XXYLT1: variants seen among roughly 807,000 people sequenced by gnomAD.
The protein encoded by XXYLT1 is UDP-xylose:alpha-xyloside alpha-1,3-xylosyltransferase.
XXYLT1 carries 20 observed loss-of-function variants against 28.9 expected under a neutral mutation model. The ratio of observed to expected loss-of-function variants is 0.69; its 90% CI spans 0.49 to 1.00. XXYLT1 has a LOEUF of 1.00. XXYLT1 is among the 50% of genes least tolerant of loss of function. XXYLT1 has a pLI of 0.00. For synonymous variants in XXYLT1, 257 were observed against 253.8 expected, an observed-to-expected ratio of 1.01 and a Z score of -0.12; for missense variants, 542 against 560.1, an observed-to-expected ratio of 0.97 and a Z score of 0.33.
chr3:195,210,573 T>C lies in XXYLT1; in HGVS notation c.652+16136A>G. On this transcript the variant is annotated intron_variant, in intron 2 of 3. Transcript: ENST00000310380. The surrounding 1 kb of genome is among the most constrained non-coding windows in gnomAD (Gnocchi z 4.8). ...ATGAAGGGGACCAAAACGGGAAATA[T>C]TACTGTTCAACCAATTTGGCAACTA... 7.8e-6 allele frequency among the ~76,000 whole-genome samples: 1 copy of C among 129,004 alleles called. No homozygotes were observed. Among genetic ancestry groups the C allele is most frequent in the Non-Finnish European group, 1.6e-5 (1 of 64,178 alleles). 84.6% of individuals were successfully genotyped at this position (129,004 alleles called of 152,430 possible).
chr3:195,243,375 T>C (rs2108827605), intron 1 of XXYLT1, among the ~76,000 whole-genome samples: 1 of 150,818 alleles, frequency 6.6e-6, no homozygotes, highest in South Asian at 2.1e-4. Flanking sequence ...AAAAAAGAGA[T>C]GGTTCGGGGG....
chr3:195,264,806 T>C (rs1725791833), intron 1 of XXYLT1, among the ~76,000 whole-genome samples: 1 of 152,150 alleles, frequency 6.6e-6, no homozygotes, highest in East Asian at 1.9e-4. Flanking sequence ...GGCTCACAAC[T>C]GCAGTCCAAC....
At chr3:195,220,759 A>G (rs1316687434) in intron 2 of XXYLT1, among the ~76,000 whole-genome samples, 3 of 152,198 alleles carry the variant, frequency 2.0e-5, no homozygotes, top group Non-Finnish European at 2.9e-5. Flanking sequence ...CCCACAGCCC[A>G]TGGCCAGTGG....
intron 2 of XXYLT1, among the ~76,000 whole-genome samples, chr3:195,161,261 A>C (rs937451555): frequency 2.6e-5 from 4 of 152,214 alleles, no homozygotes; most frequent in African/African-American, 9.7e-5. Context: ...TCAGCAAAAA[A>C]GGCTCAGGGT....
At chr3:195,138,820 A>G (rs899695068) in intron 3 of XXYLT1, among the ~76,000 whole-genome samples, 4 of 148,802 alleles carry the variant, frequency 2.7e-5, no homozygotes, top group African/African-American at 9.9e-5. Flanking sequence ...GCACCACTGC[A>G]GTCCAGCCTG....
intron 3 of XXYLT1, among the ~76,000 whole-genome samples, chr3:195,100,385 G>C (rs6783258): frequency 0.16 from 23,929 of 152,076 alleles, 2,237 homozygotes; most frequent in South Asian, 0.3. Flanking sequence ...AGTGTGCTTT[G>C]GCCAGGACAA....
At chr3:195,125,305 A>G (rs1187659782) in intron 3 of XXYLT1, among the ~76,000 whole-genome samples, 2 of 152,200 alleles carry the variant, frequency 1.3e-5, no homozygotes, top group Non-Finnish European at 2.9e-5. Flanking sequence ...CCTTCGACCA[A>G]ACAGTCCTAA....
At chr3:195,263,472 G>T (rs1467220183) in intron 1 of XXYLT1, among the ~76,000 whole-genome samples, 1 of 152,136 alleles carries the variant, frequency 6.6e-6, no homozygotes, top group East Asian at 1.9e-4. Context: ...GAGGGAGCGA[G>T]TTCTCACTCT....
At chr3:195,161,634 AT>A (rs35541699) in intron 2 of XXYLT1, among the ~76,000 whole-genome samples, 26,159 of 138,656 alleles carry the variant, frequency 0.19, 2,486 homozygotes, top group East Asian at 0.41. Context: ...AGATATATAG[AT>A]TTTTTTTTTT....
chr3:195,078,888 C>T lies in XXYLT1; in HGVS notation c.786-8777G>A, dbSNP rs1715272398. Among the ~76,000 whole-genome samples, 2 of 152,176 alleles carry T rather than the reference C, an allele frequency of 1.3e-5. No homozygotes were observed. On this transcript the variant is annotated intron_variant, in intron 3 of 3. Transcript: ENST00000310380. The surrounding 1 kb of genome is among the most constrained non-coding windows in gnomAD (Gnocchi z 5.0). ...CAAATGCTGATGGCCCTTCCCTTCA[C>T]CTTGACCACAGTGTCCTCAAACCAC...
At chr3:195,109,434 ATGAG>A (rs1717337631) in intron 3 of XXYLT1, among the ~76,000 whole-genome samples, 1 of 144,054 alleles carries the variant, frequency 6.9e-6, no homozygotes, top group Non-Finnish European at 1.5e-5. Flanking sequence ...TTGGTGGTGT[ATGAG>A]TGTGTGGTAT....
At position 195,253,784 on chromosome 3, in the gene XXYLT1, C is replaced by T. The variant is rs182901673; in HGVS notation, c.504+16771G>A. On this transcript the variant is annotated intron_variant, in intron 1 of 3. Transcript: ENST00000310380. ...AAAGTTCTAGGATTACAGGCGTGAGCCACCGCGCCCGGCCTGTTCACATTT... is the reference window on the plus strand; with the variant it reads ...AAAGTTCTAGGATTACAGGCGTGAGTCACCGCGCCCGGCCTGTTCACATTT... Among the ~76,000 whole-genome samples, 270 of 152,288 alleles carry T rather than the reference C, an allele frequency of 1.8e-3. 3 individuals carry two copies. Among genetic ancestry groups the T allele is most frequent in the African/African-American group, 6.1e-3 (254 of 41,562 alleles).
chr3:195,184,625 T>C lies in XXYLT1; in HGVS notation c.653-28044A>G, dbSNP rs555809700. The C allele has an allele frequency of 4.1e-6, 4 of 985,302 alleles. No homozygotes were observed. The East Asian group carries it at 4.5e-4, about 112-fold the overall frequency. 61.0% of individuals were successfully genotyped at this position (985,302 alleles called of 1,614,324 possible). A position where few individuals can be genotyped will look rare whatever the true frequency, so the allele number is the denominator to read the frequency against. On this transcript the variant is annotated intron_variant, in intron 2 of 3. Coordinates refer to ENST00000310380, the MANE Select transcript of XXYLT1 (RefSeq NM_152531.5). ...AAACATTTAAGTCTCCCTGATTAGG[T>C]CTACTTACCCAGAAACAAGGTCTCT... is the stretch of plus-strand genomic sequence containing the variant.
chr3:195,073,811 T>C (rs929625474), intron 3 of XXYLT1, among the ~76,000 whole-genome samples: 10 of 152,184 alleles, frequency 6.6e-5, no homozygotes, highest in African/African-American at 2.4e-4. Flanking sequence ...TAAAAAAGAC[T>C]ATTAAAAGCT....
rs374464105 is a variant in XXYLT1, at chr3:195,069,985, C to G, written c.912G>C (p.Pro304=). 2 of 1,608,914 alleles carry G rather than the reference C, an allele frequency of 1.2e-6. No individual in the cohort carries two copies. The highest frequency in any genetic ancestry group is 1.7e-6 in the Non-Finnish European group (2 of 1,179,834). The change falls in exon 4 of 4, where the codon CCG becomes CCC. Residue 304 remains proline, a synonymous_variant. Coordinates refer to ENST00000310380, the MANE Select transcript of XXYLT1 (RefSeq NM_152531.5). ...CCGGCTCCAGCAGGCGGCTGTAGAG[C>G]GGGGACTGGCGCATGGCCTCCAGGT... ...LLNLEAMRQS[P]LYSRLLEPAQ...
chr3:195,137,177 G>T (rs565023955), intron 3 of XXYLT1, among the ~76,000 whole-genome samples: 1 of 152,240 alleles, frequency 6.6e-6, no homozygotes, highest in South Asian at 2.1e-4. Flanking sequence ...AAAAGTGGAG[G>T]GAGAAACAAA....
chr3:195,131,462 A>C (rs1718904709), intron 3 of XXYLT1, among the ~76,000 whole-genome samples: 1 of 152,270 alleles, frequency 6.6e-6, no homozygotes, highest in South Asian at 2.1e-4. Flanking sequence ...TATTTCTGCA[A>C]CTGCAGCAAA....
chr3:195,248,030 G>A lies in XXYLT1; in HGVS notation c.505-21174C>T, dbSNP rs139139816. The A allele has an allele frequency of 1.2e-4, 65 of 522,036 alleles. 1 individual carries two copies. Among genetic ancestry groups the A allele is most frequent in the African/African-American group, 9.4e-4 (48 of 51,152 alleles). 32.3% of individuals were successfully genotyped at this position (522,036 alleles called of 1,614,324 possible). A position where few individuals can be genotyped will look rare whatever the true frequency, so the allele number is the denominator to read the frequency against. On this transcript the variant is annotated intron_variant, in intron 1 of 3. Coordinates refer to ENST00000310380, the MANE Select transcript of XXYLT1 (RefSeq NM_152531.5). Reference sequence around the variant, plus strand: ...GAGGTGAGATTTGGGTGGAGACACAGCCAAACCTTATCAGCCACTTTCCAA... The same window carrying A: ...GAGGTGAGATTTGGGTGGAGACACAACCAAACCTTATCAGCCACTTTCCAA...
chr3:195,105,099 G>A (rs1577030427), intron 3 of XXYLT1, among the ~76,000 whole-genome samples: 1 of 152,154 alleles, frequency 6.6e-6, no homozygotes, highest in Admixed American at 6.5e-5. Context: ...ATAACCAACT[G>A]CTCACTAGTG....
Sources: gnomAD v4.1 joint callset for allele counts (sites outside exome capture counted in the v4.1 genomes callset) on GRCh38, gnomAD v4.1.1 for gene constraint, Gnocchi (gnomAD v3.1) non-coding constraint, MANE v1.5 for transcripts, NCBI Gene and HGNC (gene_info 2026-07-23, HGNC 2026-07-21) for gene names.